The following DOCK1 variants were observed in gnomAD, a reference collection of about 807,000 sequenced individuals.
DOCK1 encodes dedicator of cytokinesis protein 1.
Under a neutral mutation model 262.7 loss-of-function variants are expected in DOCK1, and 138 were observed. The observed-to-expected ratio is 0.53, with a 90% CI of 0.46 to 0.61. The LOEUF (loss-of-function observed/expected upper bound fraction) is 0.61. Among genes scored for constraint, DOCK1 ranks in the 20% least tolerant of loss-of-function variants. The pLI is 0.00. For synonymous variants in DOCK1, 866 were observed against 867.4 expected, an observed-to-expected ratio of 1.00 and a Z score of 0.03; for missense variants, 1,908 against 2,370.7, an observed-to-expected ratio of 0.80 and a Z score of 4.05.
intron 27 of DOCK1, among the ~76,000 whole-genome samples, chr10:127,198,040 C>T (rs150267031): frequency 6.6e-6 from 1 of 152,180 alleles, no homozygotes; most frequent in African/African-American, 2.4e-5. Context: ...CCTCACTCTT[C>T]TTGTTGTTCT....
intron 35 of DOCK1, among the ~76,000 whole-genome samples, chr10:127,379,831 A>G (rs1438812773): frequency 1.3e-5 from 2 of 152,196 alleles, no homozygotes; most frequent in African/African-American, 4.8e-5. Flanking sequence ...GTGACTTTCA[A>G]GTGACAGAAG....
intron 1 of DOCK1, among the ~76,000 whole-genome samples, chr10:126,919,745 C>T (rs2134090403): frequency 6.6e-6 from 1 of 152,332 alleles, no homozygotes; most frequent in Admixed American, 6.5e-5. Flanking sequence ...CCTCCAGTCC[C>T]CCTGGGGGCA....
At chr10:126,917,047 G>T (rs1034007725) in intron 1 of DOCK1, among the ~76,000 whole-genome samples, 1 of 149,786 alleles carries the variant, frequency 6.7e-6, no homozygotes, top group Non-Finnish European at 1.5e-5. Flanking sequence ...GCTGTGCGAG[G>T]CCAGCGGTGT....
intron 4 of DOCK1, among the ~76,000 whole-genome samples, chr10:126,984,766 C>G (rs2039243725): frequency 6.6e-6 from 1 of 152,092 alleles, no homozygotes; most frequent in South Asian, 2.1e-4. Context: ...ATGGCTAAAT[C>G]AAACTATGTG....
intron 27 of DOCK1, among the ~76,000 whole-genome samples, chr10:127,239,405 A>G (rs934172014): frequency 2.0e-5 from 3 of 152,144 alleles, no homozygotes; most frequent in African/African-American, 7.2e-5. Flanking sequence ...ATACTTTATA[A>G]TACTTAAGTA....
At chr10:126,998,342 G>C (rs1227548869) in intron 8 of DOCK1, 93 bp downstream of exon 8, 2 of 1,517,030 alleles carry the variant, frequency 1.3e-6, no homozygotes, top group African/African-American at 2.8e-5. Context: ...CATGCTGAGA[G>C]GCCTTGGATG....
chr10:127,073,202 G>C (rs2046331814), intron 23 of DOCK1, among the ~76,000 whole-genome samples: 1 of 152,202 alleles, frequency 6.6e-6, no homozygotes, highest in South Asian at 2.1e-4. Context: ...GCTTATAGGT[G>C]ACTCAACATT....
chr10:127,336,314 A>G (rs2063189256), intron 29 of DOCK1, among the ~76,000 whole-genome samples: 1 of 152,250 alleles, frequency 6.6e-6, no homozygotes, highest in South Asian at 2.1e-4. Flanking sequence ...CCCAAGCATC[A>G]TCTGATCTTT....
At chr10:127,102,853 C>CT (rs1196176750) in intron 23 of DOCK1, among the ~76,000 whole-genome samples, 2 of 152,140 alleles carry the variant, frequency 1.3e-5, no homozygotes, top group African/African-American at 4.8e-5. Flanking sequence ...AAAAAAGGTA[C>CT]AATTTACATA....
In DOCK1 at chr10:126,990,598, A is replaced by T; in HGVS notation, c.468A>T (p.Gly156=). 1 of 1,613,596 alleles carries T rather than the reference A, an allele frequency of 6.2e-7. No individual in the cohort carries two copies. Among genetic ancestry groups the T allele is most frequent in the South Asian group, 1.1e-5 (1 of 90,934 alleles). Reference sequence around the variant, plus strand: ...AGGTCACAGCCAAAATTGATTATGGAAACAGGTTTGTTTATTTGAAAGATG... The same window carrying T: ...AGGTCACAGCCAAAATTGATTATGGTAACAGGTTTGTTTATTTGAAAGATG... ...KKKVTAKIDY[G]NRILDLDLVV... is the part of the protein sequence containing the mutation. Residue 156 remains glycine, a synonymous_variant, in exon 6 of 52, where the codon GGA becomes GGT. Transcript: ENST00000623213.
intron 10 of DOCK1, among the ~76,000 whole-genome samples, chr10:127,003,008 T>G (rs1480172194): frequency 6.6e-6 from 1 of 152,264 alleles, no homozygotes; most frequent in Non-Finnish European, 1.5e-5. Flanking sequence ...ACTTAGGGGT[T>G]GCAAAGAACC....
chr10:127,039,041 C>T (rs1017425562), intron 19 of DOCK1, among the ~76,000 whole-genome samples: 3 of 152,174 alleles, frequency 2.0e-5, no homozygotes, highest in African/African-American at 7.2e-5. Flanking sequence ...AAAGAGACGA[C>T]CTTATCTCTG....
At chr10:127,305,050 A>G (rs944308519) in intron 29 of DOCK1, among the ~76,000 whole-genome samples, 2 of 151,976 alleles carry the variant, frequency 1.3e-5, no homozygotes, top group South Asian at 2.1e-4. Context: ...TCTGCCTACA[A>G]TTTTTTAAAG....
At chr10:127,351,813 T>C (rs1324187759) in intron 31 of DOCK1, among the ~76,000 whole-genome samples, 2 of 152,074 alleles carry the variant, frequency 1.3e-5, no homozygotes, top group Admixed American at 6.5e-5. Context: ...GGGGCATGTA[T>C]AGATTCATCA....
intron 1 of DOCK1, among the ~76,000 whole-genome samples, chr10:126,920,540 G>A (rs1025499680): frequency 2.6e-5 from 4 of 152,178 alleles, no homozygotes; most frequent in Non-Finnish European, 5.9e-5. Flanking sequence ...GTAATGAAAA[G>A]CCAATGAAAT....
intron 23 of DOCK1, among the ~76,000 whole-genome samples, chr10:127,093,163 G>T (rs2047646194): frequency 6.8e-6 from 1 of 147,402 alleles, no homozygotes; most frequent in African/African-American, 2.6e-5. Flanking sequence ...CCTTCCTGTG[G>T]TGTGTGCAGC....
intron 27 of DOCK1, among the ~76,000 whole-genome samples, chr10:127,152,447 G>A (rs747560311): frequency 7.2e-5 from 11 of 152,220 alleles, no homozygotes; most frequent in African/African-American, 4.8e-5. Context: ...AGCTTGGCGT[G>A]CCATGCCAGG....
chr10:127,434,948 G>T (rs1591048808), intron 48 of DOCK1, among the ~76,000 whole-genome samples: 1 of 152,112 alleles, frequency 6.6e-6, no homozygotes, highest in Admixed American at 6.5e-5. Flanking sequence ...CACCGCGCCT[G>T]GCCAACGTCC....
At chr10:127,028,959 A>G (rs1006512766) in intron 16 of DOCK1, among the ~76,000 whole-genome samples, 3 of 152,222 alleles carry the variant, frequency 2.0e-5, no homozygotes, top group Non-Finnish European at 4.4e-5. Flanking sequence ...GGGTTCTGGA[A>G]TCCACAGAGG....
Sources: gnomAD v4.1 joint callset for allele counts (sites outside exome capture counted in the v4.1 genomes callset) on GRCh38, gnomAD v4.1.1 for gene constraint, MANE v1.5 for transcripts, NCBI Gene and HGNC (gene_info 2026-07-23, HGNC 2026-07-21) for gene names.